The following UGGT1 variants were observed in gnomAD, a reference collection of about 807,000 sequenced individuals.
The protein encoded by UGGT1 is UDP-glucose:glycoprotein glucosyltransferase 1.
UGGT1 carries 107 observed loss-of-function variants against 203.9 expected under a neutral mutation model. The ratio of observed to expected loss-of-function variants is 0.52; its 90% confidence interval spans 0.45 to 0.62. UGGT1 has a LOEUF of 0.62. Among genes scored for constraint, UGGT1 ranks in the 20% least tolerant of loss-of-function variants. The probability of loss-of-function intolerance (pLI) is 0.00; values close to 1 mark genes in which losing one functional copy is unlikely to be tolerated. For synonymous variants in UGGT1, 628 were observed against 653.5 expected (o/e 0.96, Z 0.59); for missense variants, 1,673 against 1,867.2 (o/e 0.90, Z 1.92).
intron 30 of UGGT1, among the ~76,000 whole-genome samples, chr2:128,174,551 G>A (rs1271371815): frequency 1.3e-5 from 2 of 152,074 alleles, no homozygotes; most frequent in Admixed American, 6.6e-5. Context: ...TCCACCTGCC[G>A]TGGTCTCCCG....
At position 128,121,268 on chromosome 2, in the gene UGGT1, A is replaced by T. The variant is rs113315394; in HGVS notation, c.1043A>T (p.Asp348Val). 5 of 1,612,328 alleles carry T rather than the reference A, an allele frequency of 3.1e-6. No homozygotes were observed. The East Asian group carries it at 6.7e-5, about 22-fold the overall frequency. ...GAGTTGGCTTTGGTTGTCATGAAGG[A>T]TCTTAGTCAGAATTTTCCTACCAAA... ...PVELALVVMK[D>V]LSQNFPTKAR... is the part of the protein sequence containing the mutation. Residue 348 changes from aspartate (D) to valine (V), a missense_variant, in exon 10 of 41, where the codon GAT becomes GTT. Physicochemically the swap from Asp to Val is radical, Grantham distance 152. Transcript: ENST00000259253.
At position 128,091,318 on chromosome 2, in the gene UGGT1, G is replaced by A. The variant is rs1427660636; in HGVS notation, c.-40G>A. On this transcript the variant is annotated 5_prime_UTR_variant, in exon 1 of 41. Transcript: ENST00000259253. ...CCGCCTCGCCCCGCCCTGCCCTGGC[G>A]TTGTCTCTGGCACTGTGGCGGACTG... 4 of 1,531,318 alleles carry A rather than the reference G, an allele frequency of 2.6e-6. No homozygotes were observed. Among genetic ancestry groups the A allele is most frequent in the South Asian group, 1.2e-5 (1 of 83,314 alleles). The allele number at this position is 1,531,318 out of a possible 1,614,324, so 94.9% of individuals were successfully genotyped here.
At chr2:128,167,881 C>T (rs1304655068) in intron 26 of UGGT1, among the ~76,000 whole-genome samples, 1 of 152,042 alleles carries the variant, frequency 6.6e-6, no homozygotes, top group African/African-American at 2.4e-5. Context: ...TTGCTGATCA[C>T]CTAGAACACT....
intron 24 of UGGT1, 28 bp downstream of exon 24, chr2:128,160,619 A>G (rs777110921): frequency 1.7e-5 from 27 of 1,597,162 alleles, no homozygotes; most frequent in Non-Finnish European, 2.3e-5. Context: ...TTGACTTCAC[A>G]TTAGATCCGT....
chr2:128,190,032 AAAATG>A lies in UGGT1; in HGVS notation c.*292_*296del. 1 of 327,710 alleles carries A rather than the reference AAAATG, an allele frequency of 3.1e-6. No individual in the cohort carries two copies. Among genetic ancestry groups the A allele is most frequent in the Middle Eastern group, 9.1e-4 (1 of 1,104 alleles). 20.3% of individuals were successfully genotyped at this position (327,710 alleles called of 1,614,324 possible). On this transcript the variant is annotated 3_prime_UTR_variant, in exon 41 of 41. Transcript: ENST00000259253. ...GTGGAATGGCAGCAGCAACTGGAAG[AAAATG>A]AGTTTTTTGGTGCCCACACCCAAGA...
In UGGT1 at chr2:128,192,463, T is replaced by G. The variant is rs1377224183; in HGVS notation, c.*2721T>G. The G allele has an allele frequency of 6.6e-6, 1 of 152,214 alleles. No individual in the cohort carries two copies. Among genetic ancestry groups the G allele is most frequent in the East Asian group, 1.9e-4 (1 of 5,204 alleles). 9.4% of individuals were successfully genotyped at this position (152,214 alleles called of 1,614,324 possible). A position where few individuals can be genotyped will look rare whatever the true frequency, so the allele number is the denominator to read the frequency against. ...CAAACTCTGGAAACTGTTCACAGTATGTTGTTCTTAGCTGTTATTTATATA... is the reference window on the plus strand; with the variant it reads ...CAAACTCTGGAAACTGTTCACAGTAGGTTGTTCTTAGCTGTTATTTATATA... On this transcript the variant is annotated 3_prime_UTR_variant, in exon 41 of 41. Transcript: ENST00000259253.
chr2:128,107,611 A>T (rs893717915), intron 3 of UGGT1, among the ~76,000 whole-genome samples: 5 of 152,216 alleles, frequency 3.3e-5, no homozygotes, highest in African/African-American at 1.2e-4. Context: ...CCATTGAAGC[A>T]TGGGGTAGGG....
intron 38 of UGGT1, among the ~76,000 whole-genome samples, chr2:128,185,851 T>G (rs572974332): frequency 6.6e-5 from 10 of 152,198 alleles, no homozygotes; most frequent in African/African-American, 1.7e-4. Flanking sequence ...GTACATTTCC[T>G]TGTTCCATGT....
chr2:128,122,785 C>T (rs1688441612), intron 10 of UGGT1, among the ~76,000 whole-genome samples: 5 of 152,226 alleles, frequency 3.3e-5, no homozygotes, highest in East Asian at 3.9e-4. Flanking sequence ...CTCATTTAGT[C>T]CAGCTGCTAC....
intron 28 of UGGT1, 89 bp from the exon 29 acceptor site, chr2:128,172,484 T>G (rs1691154680): frequency 1.4e-6 from 2 of 1,422,548 alleles, no homozygotes; most frequent in Non-Finnish European, 1.9e-6. Flanking sequence ...TCTAATTTGT[T>G]TTAACCAGTT....
At chr2:128,179,062 G>A (rs1691552718) in intron 34 of UGGT1, among the ~76,000 whole-genome samples, 1 of 152,116 alleles carries the variant, frequency 6.6e-6, no homozygotes, top group Non-Finnish European at 1.5e-5. Flanking sequence ...AAGAGGCCAC[G>A]GGCTAGGGCT....
intron 34 of UGGT1, 45 bp downstream of exon 34, chr2:128,178,614 T>C (rs1691521375): frequency 6.5e-7 from 1 of 1,538,270 alleles, no homozygotes; most frequent in East Asian, 2.3e-5. Context: ...AATGAATTGG[T>C]CAGTGTTCTT....
intron 2 of UGGT1, among the ~76,000 whole-genome samples, chr2:128,098,163 A>T (rs1558746319): frequency 6.6e-6 from 1 of 152,032 alleles, no homozygotes; most frequent in Non-Finnish European, 1.5e-5. Flanking sequence ...GTGCCTGGCC[A>T]GTTGTATTCA....
Position 128,152,239 on chromosome 2 carries a change from C to T in UGGT1, c.2017-545C>T, listed in dbSNP as rs144517150. Among the ~76,000 whole-genome samples, 1,440 of 152,068 alleles carry T rather than the reference C, an allele frequency of 9.5e-3. 23 individuals are homozygous for T. The highest frequency in any genetic ancestry group is 0.032 in the African/African-American group (1,316 of 41,478). ...GCCCAGTGCAGTGGCATGATCTTGGCTCACTGCAACCTCTGCCTCCCAGGT... is the reference window on the plus strand; with the variant it reads ...GCCCAGTGCAGTGGCATGATCTTGGTTCACTGCAACCTCTGCCTCCCAGGT... On this transcript the variant is annotated intron_variant, in intron 18 of 40. Transcript: ENST00000259253.
chr2:128,092,419 G>A (rs1185706813), intron 1 of UGGT1, among the ~76,000 whole-genome samples: 1 of 151,456 alleles, frequency 6.6e-6, no homozygotes, highest in African/African-American at 2.4e-5. Flanking sequence ...ATTAAAGGAA[G>A]TGACCATAAT....
chr2:128,104,063 T>A (rs1203692928), intron 3 of UGGT1, 49 bp downstream of exon 3: 2 of 1,434,566 alleles, frequency 1.4e-6, no homozygotes, highest in Non-Finnish European at 9.4e-7. Flanking sequence ...GGGAAAATAT[T>A]AGGAAAAAAT....
At chr2:128,129,311 T>C in intron 13 of UGGT1, 132 bp downstream of exon 13, 2 of 1,087,412 alleles carry the variant, frequency 1.8e-6, no homozygotes, top group African/African-American at 1.6e-5. Flanking sequence ...TATAATTGCT[T>C]ATATGGGACT....
intron 16 of UGGT1, among the ~76,000 whole-genome samples, chr2:128,139,498 T>G (rs1357370910): frequency 6.6e-6 from 1 of 152,184 alleles, no homozygotes; most frequent in Non-Finnish European, 1.5e-5. Context: ...GAGATGGTAC[T>G]GTACACAGCT....
intron 23 of UGGT1, 119 bp downstream of exon 23, chr2:128,159,839 GA>G: frequency 9.2e-7 from 1 of 1,085,354 alleles, no homozygotes; most frequent in Non-Finnish European, 1.3e-6. Flanking sequence ...GAGTCTCAGG[GA>G]ATTTTTTTTT....
Sources: allele counts gnomAD v4.1 joint callset (sites outside exome capture counted in the v4.1 genomes callset), GRCh38; gene constraint gnomAD v4.1.1; transcripts MANE v1.5; gene names NCBI Gene and HGNC (gene_info 2026-07-23, HGNC 2026-07-21).